Variants in RAPGEF4 observed in about 807,000 individuals in gnomAD.
RAPGEF4 encodes RAP guanine-nucleotide-exchange factor (GEF) 4.
A neutral mutation model predicts 147.9 loss-of-function variants in RAPGEF4; 66 were observed. The observed-to-expected ratio is 0.45, with a 90% CI of 0.37 to 0.55. RAPGEF4 has a LOEUF of 0.55. Ranked by LOEUF, RAPGEF4 falls within the 20% of genes least tolerant of loss-of-function variation. RAPGEF4 has a pLI of 0.00. For missense variants in RAPGEF4, 1,071 were observed against 1,257.3 expected, an observed-to-expected ratio of 0.85 and a Z score of 2.24; for synonymous variants, 419 against 442.7, an observed-to-expected ratio of 0.95 and a Z score of 0.67.
At chr2:173,040,816 G>A (rs1684670907) in intron 29 of RAPGEF4, among the ~76,000 whole-genome samples, 1 of 152,000 alleles carries the variant, frequency 6.6e-6, no homozygotes, top group African/African-American at 2.4e-5. Flanking sequence ...TTATTTGGGG[G>A]GAACATAAAG....
At chr2:173,005,608 C>T (rs1212395543) in intron 17 of RAPGEF4, among the ~76,000 whole-genome samples, 2 of 145,754 alleles carry the variant, frequency 1.4e-5, no homozygotes, top group East Asian at 2.0e-4. Context: ...CTGCAACCTC[C>T]GCCTCCTGGG....
At chr2:172,956,217 C>T (rs1483798507) in intron 6 of RAPGEF4, among the ~76,000 whole-genome samples, 1 of 152,124 alleles carries the variant, frequency 6.6e-6, no homozygotes, top group Admixed American at 6.5e-5. Context: ...CCTTCTCCCT[C>T]TGTCCCTTTG....
At chr2:172,880,917 T>C (rs1352875813) in intron 4 of RAPGEF4, among the ~76,000 whole-genome samples, 1 of 152,248 alleles carries the variant, frequency 6.6e-6, no homozygotes, top group Admixed American at 6.5e-5. Context: ...CTTCAAGACA[T>C]GTCATTCTAG....
rs1490020722 is a variant in RAPGEF4, at chr2:173,052,747, T to C, written c.*980T>C. On this transcript the variant is annotated 3_prime_UTR_variant, in exon 31 of 31. Transcript: ENST00000397081. ...GATACTGTGCCAAATAATTACTTTT[T>C]ATTTATTTTATTTAGTACGTAATTT... The C allele has an allele frequency of 6.6e-6, 1 of 152,664 alleles. No individual in the cohort carries two copies. The highest frequency in any genetic ancestry group is 1.5e-5 in the Non-Finnish European group (1 of 68,030). 9.5% of individuals were successfully genotyped at this position (152,664 alleles called of 1,614,324 possible). A position where few individuals can be genotyped will look rare whatever the true frequency, so the allele number is the denominator to read the frequency against.
chr2:173,016,235 G>A (rs1169372754), intron 18 of RAPGEF4, 114 bp from the exon 19 acceptor site: 13 of 694,020 alleles, frequency 1.9e-5, no homozygotes, highest in Non-Finnish European at 3.0e-5. Flanking sequence ...ATGAAGCCAT[G>A]GTCTGGAGAT....
In RAPGEF4 at chr2:172,985,499, T is replaced by C; in HGVS notation, c.1150+6T>C. ...CGCCAAAGGAGGGACTGTGTGTAAGTGAAAAGCTGTACTGGAACCTTGCGC... is the reference window on the plus strand; with the variant it reads ...CGCCAAAGGAGGGACTGTGTGTAAGCGAAAAGCTGTACTGGAACCTTGCGC... On this transcript the variant is annotated splice_donor_region_variant and intron_variant, in intron 12 of 30. Transcript: ENST00000397081. The C allele has an allele frequency of 1.9e-6, 3 of 1,613,206 alleles. No individual in the cohort carries two copies. The highest frequency in any genetic ancestry group is 2.5e-6 in the Non-Finnish European group (3 of 1,179,722).
At chr2:172,849,806 G>C (rs1242524723) in intron 4 of RAPGEF4, among the ~76,000 whole-genome samples, 4 of 152,208 alleles carry the variant, frequency 2.6e-5, no homozygotes, top group Non-Finnish European at 1.5e-5. Context: ...CCTGAAAATT[G>C]CTTGTCTGTA....
chr2:172,914,072 C>T (rs62174626), intron 4 of RAPGEF4, among the ~76,000 whole-genome samples: 31,933 of 151,944 alleles, frequency 0.21, 4,079 homozygotes, highest in Middle Eastern at 0.3. Flanking sequence ...TAAGTAGTGC[C>T]GCTTCATTCT....
chr2:172,807,305 T>C (rs1687599761), intron 3 of RAPGEF4, among the ~76,000 whole-genome samples: 1 of 152,244 alleles, frequency 6.6e-6, no homozygotes, highest in Non-Finnish European at 1.5e-5. Context: ...CCTGATTCAG[T>C]TACCAGAATG....
At chr2:172,970,032 C>G (rs889789072) in intron 10 of RAPGEF4, among the ~76,000 whole-genome samples, 1 of 152,120 alleles carries the variant, frequency 6.6e-6, no homozygotes, top group Non-Finnish European at 1.5e-5. Context: ...CGAAACTTTG[C>G]AAACGTTGGA....
At chr2:173,000,309 T>C (rs1048248600) in intron 16 of RAPGEF4, among the ~76,000 whole-genome samples, 5 of 152,342 alleles carry the variant, frequency 3.3e-5, no homozygotes, top group African/African-American at 1.2e-4. Flanking sequence ...ATTAAAAACA[T>C]GGACAACATT....
rs764821144 is a variant in RAPGEF4, at chr2:172,988,789, A to T, written c.1324A>T (p.Asn442Tyr). 2 of 1,613,776 alleles carry T rather than the reference A, an allele frequency of 1.2e-6. No homozygotes were observed. Among genetic ancestry groups the T allele is most frequent in the Non-Finnish European group, 1.7e-6 (2 of 1,179,628 alleles). The change falls in exon 14 of 31, where the codon AAC becomes TAC. Residue 442 changes from asparagine to tyrosine, a missense_variant. Transcript: ENST00000397081. ...TGCCTCTATCGTCTTACGAGAAGATAACTGCCATTTCTTAAGAGTAGACAA... is the reference window on the plus strand; with the variant it reads ...TGCCTCTATCGTCTTACGAGAAGATTACTGCCATTTCTTAAGAGTAGACAA... ...RAASIVLRED[N>Y]CHFLRVDKED...
intron 6 of RAPGEF4, among the ~76,000 whole-genome samples, chr2:172,924,597 A>G (rs1195299884): frequency 1.3e-5 from 2 of 152,222 alleles, no homozygotes; most frequent in African/African-American, 4.8e-5. Context: ...AAGCTCTCCA[A>G]TGCCATCAGT....
chr2:172,953,789 G>A (rs1245330760), intron 6 of RAPGEF4, among the ~76,000 whole-genome samples: 1 of 152,178 alleles, frequency 6.6e-6, no homozygotes, highest in Non-Finnish European at 1.5e-5. Context: ...GGTGAGATCT[G>A]TGTCTCCCAT....
chr2:172,967,870 T>C (rs575534878), intron 10 of RAPGEF4, among the ~76,000 whole-genome samples: 11 of 152,320 alleles, frequency 7.2e-5, no homozygotes, highest in Non-Finnish European at 1.6e-4. Flanking sequence ...ATTCAGCACA[T>C]GCTCTTACCC....
chr2:172,974,689 AT>A (rs1396956560), intron 10 of RAPGEF4, among the ~76,000 whole-genome samples: 3 of 152,174 alleles, frequency 2.0e-5, no homozygotes, highest in Non-Finnish European at 4.4e-5. Flanking sequence ...TCTCAAAAAA[AT>A]AAAATTATTA....
intron 1 of RAPGEF4, among the ~76,000 whole-genome samples, chr2:172,792,055 G>A (rs7560324): frequency 1.3e-5 from 2 of 152,060 alleles, no homozygotes; most frequent in East Asian, 1.9e-4. Flanking sequence ...TTCCTCCCAC[G>A]GTCACTTGCA....
intron 23 of RAPGEF4, 148 bp downstream of exon 23, chr2:173,020,863 A>C (rs1696021576): frequency 1.7e-6 from 1 of 604,278 alleles, no homozygotes; most frequent in Non-Finnish European, 2.8e-6. Flanking sequence ...GGTAAGCCTC[A>C]GGTGTTCATT....
At position 172,819,461 on chromosome 2, in the gene RAPGEF4, C is replaced by CTTTTTTTTTTTTTTTTTTT. The variant is rs1242605865; in HGVS notation, c.444+5040_444+5058dup. 4.6e-5 allele frequency among the ~76,000 whole-genome samples: 4 copies of CTTTTTTTTTTTTTTTTTTT among 87,014 alleles called. 1 individual carries two copies. The highest frequency in any genetic ancestry group is 3.6e-4 in the East Asian group (1 of 2,760). The allele number at this position is 87,014 out of a possible 152,430, so 57.1% of individuals were successfully genotyped here. A position where few individuals can be genotyped will look rare whatever the true frequency, so the allele number is the denominator to read the frequency against. On this transcript the variant is annotated intron_variant, in intron 4 of 30. Coordinates refer to ENST00000397081, the MANE Select transcript of RAPGEF4 (RefSeq NM_007023.4). The stretch of plus-strand genomic sequence containing the variant: ...AAGTCTTAGAATACCATTTTTAGTT[C>CTTTTTTTTTTTTTTTTTTT]TTTTTTTTTTTTTTTTTTTTTTGAG...
Sources: gnomAD v4.1 joint callset for allele counts (sites outside exome capture counted in the v4.1 genomes callset) on GRCh38, gnomAD v4.1.1 for gene constraint, MANE v1.5 for transcripts, NCBI Gene and HGNC (gene_info 2026-07-23, HGNC 2026-07-21) for gene names.